ADAM12: variants seen among roughly 807,000 people sequenced by gnomAD.
ADAM12 encodes ADAM metallopeptidase domain 12.
A neutral mutation model predicts 106.4 loss-of-function variants in ADAM12; 70 were observed. The observed-to-expected ratio is 0.66, with a 90% confidence interval of 0.54 to 0.80. The LOEUF (loss-of-function observed/expected upper bound fraction) is 0.80, where lower values mean the gene tolerates loss of function less well. Ranked by LOEUF, ADAM12 falls within the 30% of genes least tolerant of loss-of-function variation. The probability of loss-of-function intolerance (pLI) is 0.00; values close to 1 mark genes in which losing one functional copy is unlikely to be tolerated. For missense variants in ADAM12, 1,010 were observed against 1,171.9 expected (o/e 0.86, Z 2.02); for synonymous variants, 420 against 433.5 (o/e 0.97, Z 0.39).
At chr10:126,058,409 A>G (rs866676345) in intron 14 of ADAM12, among the ~76,000 whole-genome samples, 3 of 152,178 alleles carry the variant, frequency 2.0e-5, no homozygotes, top group African/African-American at 7.2e-5. Flanking sequence ...TATCTTTTCT[A>G]TGTCTCTGGA....
intron 3 of ADAM12, among the ~76,000 whole-genome samples, chr10:126,262,447 C>T (rs1186952380): frequency 6.6e-6 from 1 of 152,144 alleles, no homozygotes; most frequent in Non-Finnish European, 1.5e-5. Context: ...ATCTGCAAAT[C>T]AGTCAGGATT....
At chr10:126,143,578 T>G (rs1229174958) in intron 4 of ADAM12, among the ~76,000 whole-genome samples, 2 of 55,732 alleles carry the variant, frequency 3.6e-5, no homozygotes, top group African/African-American at 2.8e-4. Flanking sequence ...CATGTGTATA[T>G]TTGTGTGTGT....
At position 126,046,129 on chromosome 10, in the gene ADAM12, A is replaced by T. The variant is rs1304523068; in HGVS notation, c.1921T>A (p.Cys641Ser). 1 of 1,613,996 alleles carries T rather than the reference A, an allele frequency of 6.2e-7. No homozygotes were observed. Among genetic ancestry groups the T allele is most frequent in the Non-Finnish European group, 8.5e-7 (1 of 1,179,816 alleles). ...ATATTTTGACATTGACGATTCAGGC[A>T]GATCTGTAGGAGGAGGAAAACACAG... ...AGTKCADGKI[C>S]LNRQCQNISV... The change falls in exon 17 of 23, where the codon TGC becomes AGC. Residue 641 changes from cysteine (C) to serine (S), a missense_variant. Transcript: ENST00000448723.
At chr10:126,092,712 C>T (rs2133560168) in intron 11 of ADAM12, among the ~76,000 whole-genome samples, 1 of 152,304 alleles carries the variant, frequency 6.6e-6, no homozygotes, top group South Asian at 2.1e-4. Flanking sequence ...GAGGGAACCA[C>T]AAACAGAAAG....
rs774278750 is a variant in ADAM12 at position 126,046,034 on chromosome 10, A to G, written c.1995+21T>C. 13 of 1,606,578 alleles carry G rather than the reference A, an allele frequency of 8.1e-6. No individual in the cohort carries two copies. The South Asian group carries it at 1.2e-4, about 15-fold the overall frequency. On this transcript the variant is annotated intron_variant, in intron 17 of 22. Transcript: ENST00000448723. Reference sequence around the variant, plus strand: ...TAACTTGTTATGGGCTGGCTGTAAAAGGGCAGCTCAGCCTACTCACCCCTC... The same window carrying G: ...TAACTTGTTATGGGCTGGCTGTAAAGGGGCAGCTCAGCCTACTCACCCCTC...
intron 1 of ADAM12, among the ~76,000 whole-genome samples, chr10:126,380,160 A>T (rs1014035548): frequency 2.6e-5 from 4 of 152,200 alleles, no homozygotes; most frequent in African/African-American, 9.7e-5. Flanking sequence ...CCATCTATCA[A>T]CTGGAGGCAA....
At chr10:126,117,192 T>C (rs920099685) in intron 6 of ADAM12, among the ~76,000 whole-genome samples, 2 of 152,182 alleles carry the variant, frequency 1.3e-5, no homozygotes, top group African/African-American at 4.8e-5. Flanking sequence ...CCTTTAATCC[T>C]TATTAAAAGA....
chr10:126,036,215 G>T lies in ADAM12; in HGVS notation c.2460C>A (p.His820Gln). 1 of 1,552,680 alleles carries T rather than the reference G, an allele frequency of 6.4e-7. No homozygotes were observed. ...GGACGCTAGGTGCACGTGGAGCCCGGTGGAGGGGAGGAAGCACTCGCTGAG... is the reference window on the plus strand; with the variant it reads ...GGACGCTAGGTGCACGTGGAGCCCGTTGGAGGGGAGGAAGCACTCGCTGAG... ...QSTQRVLPPL[H>Q]RAPRAPSVPA... is the part of the protein sequence containing the mutation. The change falls in exon 21 of 23, where the codon CAC (histidine) becomes CAA (glutamine). Residue 820 changes from histidine (H) to glutamine (Q), a missense_variant. His to Gln is a conservative substitution (Grantham distance 24, BLOSUM62 0). Coordinates refer to ENST00000448723, the MANE Select transcript of ADAM12 (RefSeq NM_001288973.2).
chr10:126,077,046 T>G (rs1398683189), intron 11 of ADAM12, among the ~76,000 whole-genome samples: 1 of 152,152 alleles, frequency 6.6e-6, no homozygotes, highest in Non-Finnish European at 1.5e-5. Context: ...ATAAATGAAC[T>G]CAGTAAAGTT....
chr10:126,353,400 G>A lies in ADAM12; in HGVS notation c.89-22891C>T, dbSNP rs956521735. ...AATGTCTTCCACAATCTGGAGAAAG[G>A]AGCCAAGGCTGAAGTGAGAGGACAG... On this transcript the variant is annotated intron_variant, in intron 1 of 22. Transcript: ENST00000448723. Among the ~76,000 whole-genome samples the A allele has an allele frequency of 2.8e-4, 43 of 152,202 alleles. 1 individual carries two copies. The highest frequency in any genetic ancestry group is 2.8e-3 in the Admixed American group (43 of 15,288).
In ADAM12 at chr10:126,180,708, C is replaced by T. The variant is rs192621271; in HGVS notation, c.261-25403G>A. 1.0e-3 allele frequency among the ~76,000 whole-genome samples: 154 copies of T among 152,300 alleles called. 2 individuals carry two copies. The highest frequency in any genetic ancestry group is 6.8e-3 in the Middle Eastern group (2 of 294). ...AATTTGCTTTTGCATTGGAAGTTAT[C>T]GATCCTTTTCCCTCTTCAATTACAA... On this transcript the variant is annotated intron_variant, in intron 3 of 22. Transcript: ENST00000448723.
intron 5 of ADAM12, among the ~76,000 whole-genome samples, chr10:126,122,483 A>T (rs1278304): frequency 2.6e-5 from 4 of 152,094 alleles, no homozygotes; most frequent in African/African-American, 9.7e-5. Flanking sequence ...AAAGGGAGGC[A>T]GGGTGCGGTG....
Position 126,064,823 on chromosome 10 carries a change from A to G in ADAM12, c.1592T>C (p.Val531Ala), listed in dbSNP as rs765214964. The change falls in exon 14 of 23, where the codon GTC (valine) becomes GCC (alanine). Residue 531 changes from valine to alanine, a missense_variant. Transcript: ENST00000448723. This position sits in a 1 kb window ranked among gnomAD's most constrained non-coding sequence, Gnocchi z 4.4. ...CCACGTACCTGGTCCCCAGAGCGTG[A>G]CACACTGCTGCTCGTGAGTCTGGCA... Reference protein sequence around the residue: ...GICQTHEQQCVTLWGPGAKPA... With the variant: ...GICQTHEQQCATLWGPGAKPA... 2.5e-6 allele frequency: 4 copies of G among 1,608,434 alleles called. No homozygotes were observed. The Admixed American group carries it at 5.0e-5, about 20-fold the overall frequency.
intron 2 of ADAM12, among the ~76,000 whole-genome samples, chr10:126,287,080 G>T (rs1261099920): frequency 6.6e-6 from 1 of 152,110 alleles, no homozygotes; most frequent in African/African-American, 2.4e-5. Flanking sequence ...CGTCGCTACC[G>T]GTGTGATTGT....
At chr10:126,041,650 A>G (rs1954174764) in intron 18 of ADAM12, 62 of 988,270 alleles carry the variant, frequency 6.3e-5, no homozygotes, top group Non-Finnish European at 7.5e-5. Flanking sequence ...AAACCCTGCT[A>G]TTTTCATATA....
At chr10:126,312,188 C>G (rs1961137679) in intron 2 of ADAM12, among the ~76,000 whole-genome samples, 1 of 150,174 alleles carries the variant, frequency 6.7e-6, no homozygotes, top group Admixed American at 6.6e-5. Flanking sequence ...GTATAAGCGT[C>G]AAGACCACGG....
rs112782344 is a variant in ADAM12, at chr10:126,312,149, A to C, written c.186+18263T>G. Among the ~76,000 whole-genome samples, 1,325 of 151,564 alleles carry C rather than the reference A, an allele frequency of 8.7e-3. 19 individuals carry two copies. Among genetic ancestry groups the C allele is most frequent in the African/African-American group, 0.031 (1,264 of 41,156 alleles). On this transcript the variant is annotated intron_variant, in intron 2 of 22. Transcript: ENST00000448723. ...TGGTGTGGAAAAAAAAAAAAAAAAA[A>C]AAACCCACGTTTGGTGACCAGAAGT...
At chr10:126,363,874 C>T (rs1855821179) in intron 1 of ADAM12, among the ~76,000 whole-genome samples, 1 of 152,142 alleles carries the variant, frequency 6.6e-6, no homozygotes, top group African/African-American at 2.4e-5. Flanking sequence ...AGACCACTTT[C>T]CTTCCTAATA....
At chr10:126,372,416 A>C (rs1856141937) in intron 1 of ADAM12, among the ~76,000 whole-genome samples, 1 of 152,212 alleles carries the variant, frequency 6.6e-6, no homozygotes, top group African/African-American at 2.4e-5. Flanking sequence ...CAAATAAACT[A>C]AGTTCAGAAA....
Sources: allele counts gnomAD v4.1 joint callset (sites outside exome capture counted in the v4.1 genomes callset), GRCh38; gene constraint gnomAD v4.1.1; non-coding constraint Gnocchi (gnomAD v3.1); transcripts MANE v1.5; gene names NCBI Gene and HGNC (gene_info 2026-07-23, HGNC 2026-07-21).